PRLR: variants seen among roughly 807,000 people sequenced by gnomAD.
PRLR encodes hPRL receptor.
PRLR carries 13 observed loss-of-function variants against 40.2 expected under a neutral mutation model. That is an observed-to-expected ratio of 0.32 (90% CI 0.21 to 0.51). PRLR has a LOEUF of 0.51. Ranked by LOEUF, PRLR falls within the 20% of genes least tolerant of loss-of-function variation. The pLI, the probability that PRLR is intolerant of heterozygous loss-of-function variation, is 0.97. For synonymous variants in PRLR, 269 were observed against 278.7 expected (o/e 0.97, Z 0.35); for missense variants, 656 against 747.3 (o/e 0.88, Z 1.42).
intron 2 of PRLR, among the ~76,000 whole-genome samples, chr5:35,107,951 T>C (rs1472952852): frequency 6.6e-6 from 1 of 152,184 alleles, no homozygotes; most frequent in Non-Finnish European, 1.5e-5. Context: ...ATATCCTTGA[T>C]GAACATCGAT....
intron 1 of PRLR, among the ~76,000 whole-genome samples, chr5:35,172,128 C>G (rs139439846): frequency 8.5e-4 from 129 of 152,312 alleles, no homozygotes; most frequent in Middle Eastern, 3.4e-3. Flanking sequence ...TCAAGGCAGG[C>G]TCTTTATCTC....
chr5:35,084,611 AGTCTG>A lies in PRLR; in HGVS notation c.227_231del (p.Pro76LeufsTer30). On this transcript the variant is annotated frameshift_variant, in exon 5 of 10. Coordinates refer to ENST00000618457, the MANE Select transcript of PRLR (RefSeq NM_000949.7). LOFTEE classifies it high-confidence loss of function. ...CAGGAGTTGGGGCCACCGGTTATGT[AGTCTG>A]GACATTCATGCATGAGTGTCTCTCT... is the stretch of plus-strand genomic sequence containing the variant. 2.5e-6 allele frequency: 4 copies of A among 1,611,356 alleles called. No individual in the cohort carries two copies. The highest frequency in any genetic ancestry group is 3.4e-6 in the Non-Finnish European group (4 of 1,178,978).
chr5:35,108,139 A>G (rs972067612), intron 2 of PRLR, among the ~76,000 whole-genome samples: 12 of 152,230 alleles, frequency 7.9e-5, no homozygotes, highest in African/African-American at 2.9e-4. Flanking sequence ...GATTATCTCA[A>G]TAGATGCAGA....
intron 1 of PRLR, among the ~76,000 whole-genome samples, chr5:35,150,726 T>C (rs1446908850): frequency 6.6e-6 from 1 of 152,020 alleles, no homozygotes; most frequent in Non-Finnish European, 1.5e-5. Context: ...ATGAAAACCA[T>C]AAAATGGGAC....
intron 2 of PRLR, among the ~76,000 whole-genome samples, chr5:35,105,463 G>A (rs539253816): frequency 1.8e-4 from 27 of 152,298 alleles, no homozygotes; most frequent in Admixed American, 1.8e-3. Context: ...CCATCGCAAA[G>A]AAGCTAAAAA....
chr5:35,072,616 A>G lies in PRLR; in HGVS notation c.502T>C (p.Tyr168His). 5 of 1,614,124 alleles carry G rather than the reference A, an allele frequency of 3.1e-6. No individual in the cohort carries two copies. Among genetic ancestry groups the G allele is most frequent in the Non-Finnish European group, 4.2e-6 (5 of 1,179,994 alleles). Residue 168 changes from tyrosine (Y) to histidine (H), a missense_variant, in exon 6 of 10, where the codon TAT (tyrosine) becomes CAT (histidine). Coordinates refer to ENST00000618457, the MANE Select transcript of PRLR (RefSeq NM_000949.7). Reference sequence around the variant, plus strand: ...TTCTCGGGTTTTAATCGAATTTCATACAGGAGCGTGAACCAACCAGTTTTT... The same window carrying G: ...TTCTCGGGTTTTAATCGAATTTCATGCAGGAGCGTGAACCAACCAGTTTTT... ...DLKTGWFTLLYEIRLKPEKAA... is the reference protein window; with the variant it reads ...DLKTGWFTLLHEIRLKPEKAA...
chr5:35,100,172 A>G (rs950469966), intron 2 of PRLR, among the ~76,000 whole-genome samples: 3 of 147,140 alleles, frequency 2.0e-5, no homozygotes, highest in Non-Finnish European at 4.5e-5. Context: ...CGACAGGGCG[A>G]GACTCTGTCT....
intron 1 of PRLR, among the ~76,000 whole-genome samples, chr5:35,154,753 T>C (rs1774437671): frequency 6.6e-6 from 1 of 152,130 alleles, no homozygotes; most frequent in Admixed American, 6.5e-5. Flanking sequence ...TGCCCATTAA[T>C]AATAGACTGG....
intron 9 of PRLR, among the ~76,000 whole-genome samples, chr5:35,066,681 G>A (rs78302637): frequency 0.039 from 5,312 of 135,578 alleles, 316 homozygotes; most frequent in African/African-American, 0.14. Context: ...CCATATTTCC[G>A]CCCTTCCTAT....
intron 1 of PRLR, among the ~76,000 whole-genome samples, chr5:35,178,244 G>A (rs185305482): frequency 6.6e-6 from 1 of 152,286 alleles, no homozygotes; most frequent in African/African-American, 2.4e-5. Context: ...CAGGAAAGAT[G>A]ATTTAAGAAG....
At chr5:35,151,387 CAAGAAAT>C (rs1405968278) in intron 1 of PRLR, among the ~76,000 whole-genome samples, 1 of 152,278 alleles carries the variant, frequency 6.6e-6, no homozygotes, top group East Asian at 1.9e-4. Context: ...AGACTTTGAG[CAAGAAAT>C]AAACCCTTGT....
chr5:35,220,301 T>A (rs34455136), intron 1 of PRLR, among the ~76,000 whole-genome samples: 1 of 152,034 alleles, frequency 6.6e-6, no homozygotes, highest in Admixed American at 6.5e-5. Flanking sequence ...GCCACAATGG[T>A]CTCATTTCTG....
At chr5:35,143,964 C>G (rs4333296) in intron 1 of PRLR, among the ~76,000 whole-genome samples, 1 of 151,524 alleles carries the variant, frequency 6.6e-6, no homozygotes, top group South Asian at 2.1e-4. Flanking sequence ...TTTTTTCCAG[C>G]TCATCCGTTT....
intron 5 of PRLR, among the ~76,000 whole-genome samples, chr5:35,078,797 C>A (rs1579593921): frequency 6.6e-6 from 1 of 152,126 alleles, no homozygotes. Flanking sequence ...AACATTGATG[C>A]AAGAATCCTC....
At chr5:35,109,328 C>T (rs1457953672) in intron 2 of PRLR, among the ~76,000 whole-genome samples, 1 of 152,172 alleles carries the variant, frequency 6.6e-6, no homozygotes, top group African/African-American at 2.4e-5. Flanking sequence ...ATGACTAACA[C>T]ACCAAAAGCA....
rs76363891 is a variant in PRLR at position 35,182,299 on chromosome 5, C to T, written c.-106+47969G>A. 5.0e-3 allele frequency among the ~76,000 whole-genome samples: 767 copies of T among 152,202 alleles called. 10 individuals are homozygous for T. The highest frequency in any genetic ancestry group is 0.018 in the African/African-American group (728 of 41,512). On this transcript the variant is annotated intron_variant, in intron 1 of 9. Transcript: ENST00000618457. ...GCCTCTTCCAGTGAAATGTTACTGC[C>T]GACAAAAATATTTTCCCCTCTGTAA...
At chr5:35,213,854 T>C (rs1033027831) in intron 1 of PRLR, among the ~76,000 whole-genome samples, 4 of 152,200 alleles carry the variant, frequency 2.6e-5, no homozygotes, top group Non-Finnish European at 5.9e-5. Context: ...GTATGCTTTG[T>C]TGGGCTGGTT....
At position 35,204,226 on chromosome 5, in the gene PRLR, T is replaced by TA. The variant is rs1257571184; in HGVS notation, c.-106+26041dup. On this transcript the variant is annotated intron_variant, in intron 1 of 9. Transcript: ENST00000618457. ...AAAATTTCTGTCTCAAAAAAAAAAA[T>TA]AATAAATAAAATGAAAAAAAAAACA... 8.4e-3 allele frequency among the ~76,000 whole-genome samples: 1,179 copies of TA among 139,674 alleles called. 15 individuals are homozygous for TA. The highest frequency in any genetic ancestry group is 0.03 in the African/African-American group (1,140 of 38,552). The allele number at this position is 139,674 out of a possible 152,430, so 91.6% of individuals were successfully genotyped here. A position where few individuals can be genotyped will look rare whatever the true frequency, so the allele number is the denominator to read the frequency against.
intron 5 of PRLR, chr5:35,081,454 C>T: frequency 5.4e-6 from 1 of 186,356 alleles, no homozygotes; most frequent in Non-Finnish European, 1.2e-5. Flanking sequence ...GATAAACCTG[C>T]CAAATATGAC....
Sources: allele counts gnomAD v4.1 joint callset (sites outside exome capture counted in the v4.1 genomes callset), GRCh38; gene constraint gnomAD v4.1.1; transcripts MANE v1.5; gene names NCBI Gene and HGNC (gene_info 2026-07-23, HGNC 2026-07-21).